DPY19L1: variants seen among roughly 807,000 people sequenced by gnomAD.
DPY19L1 encodes the protein protein C-mannosyl-transferase DPY19L1.
DPY19L1 carries 35 observed loss-of-function variants against 96.9 expected under a neutral mutation model. The ratio of observed to expected loss-of-function variants is 0.36; its 90% CI spans 0.28 to 0.48. The LOEUF is 0.48. Among genes scored for constraint, DPY19L1 ranks in the 20% least tolerant of loss-of-function variants. The probability of loss-of-function intolerance (pLI) is 0.99; values close to 1 mark genes in which losing one functional copy is unlikely to be tolerated. For synonymous variants in DPY19L1, 205 were observed against 252.6 expected, an observed-to-expected ratio of 0.81 and a Z score of 1.79; for missense variants, 521 against 777.9, an observed-to-expected ratio of 0.67 and a Z score of 3.93.
At chr7:34,933,904 C>T (rs1210076093) in intron 21 of DPY19L1, among the ~76,000 whole-genome samples, 1 of 152,150 alleles carries the variant, frequency 6.6e-6, no homozygotes, top group South Asian at 2.1e-4. Context: ...TATTGTGGGG[C>T]CTCACCTTGT....
At chr7:35,000,844 T>G (rs963736431) in intron 6 of DPY19L1, 1 of 152,254 alleles carries the variant, frequency 6.6e-6, no homozygotes, top group African/African-American at 2.4e-5. Context: ...CCACTTACTT[T>G]GGCAATGAAA....
At chr7:34,968,959 G>A (rs907802270) in intron 9 of DPY19L1, among the ~76,000 whole-genome samples, 5 of 152,010 alleles carry the variant, frequency 3.3e-5, no homozygotes, top group African/African-American at 1.2e-4. Context: ...CAGACTGGTA[G>A]AGAGAATTTT....
intron 6 of DPY19L1, among the ~76,000 whole-genome samples, chr7:34,997,921 G>A (rs1785330059): frequency 6.6e-6 from 1 of 152,166 alleles, no homozygotes; most frequent in Non-Finnish European, 1.5e-5. Flanking sequence ...ATCACGGGAA[G>A]AGAAGGTAGG....
At chr7:34,949,512 T>C (rs190442540) in intron 14 of DPY19L1, among the ~76,000 whole-genome samples, 81 of 152,338 alleles carry the variant, frequency 5.3e-4, no homozygotes, top group African/African-American at 1.8e-3. Context: ...ACTAAATTAA[T>C]GCTATCACTG....
intron 10 of DPY19L1, among the ~76,000 whole-genome samples, chr7:34,965,121 C>G (rs1388929664): frequency 2.0e-5 from 3 of 152,080 alleles, no homozygotes; most frequent in Non-Finnish European, 4.4e-5. Flanking sequence ...TACCACCCAA[C>G]AAGTTTACTA....
At chr7:34,977,333 T>A (rs1461826223) in intron 7 of DPY19L1, among the ~76,000 whole-genome samples, 3 of 152,196 alleles carry the variant, frequency 2.0e-5, no homozygotes, top group Non-Finnish European at 4.4e-5. Context: ...TTTGAGAATT[T>A]TCTTCATGCA....
intron 13 of DPY19L1, among the ~76,000 whole-genome samples, chr7:34,952,166 A>C (rs1308604773): frequency 6.6e-6 from 1 of 151,526 alleles, no homozygotes; most frequent in East Asian, 1.9e-4. Context: ...ATAGAAGACC[A>C]ATATTAATTC....
chr7:34,948,106 C>T (rs1466651237), intron 14 of DPY19L1, among the ~76,000 whole-genome samples: 1 of 152,020 alleles, frequency 6.6e-6, no homozygotes. Flanking sequence ...CTTTCTCACG[C>T]ATAAACAAAA....
In DPY19L1 at chr7:34,944,890, C is replaced by A. The variant is rs1280394845; in HGVS notation, c.1544+777G>T. Among the ~76,000 whole-genome samples the A allele has an allele frequency of 2.0e-5, 3 of 152,170 alleles. 1 individual carries two copies. ...TCCCATCTACTACCTCCCACTCTTG[C>A]AAGCATTGGATATACTATTAATTTT... On this transcript the variant is annotated intron_variant, in intron 16 of 21. Coordinates refer to ENST00000638088, the MANE Select transcript of DPY19L1 (RefSeq NM_001366673.1).
intron 4 of DPY19L1, among the ~76,000 whole-genome samples, chr7:35,013,033 T>C (rs760120591): frequency 5.3e-5 from 8 of 152,162 alleles, no homozygotes; most frequent in Non-Finnish European, 1.0e-4. Flanking sequence ...GGTAAATAAG[T>C]AGTTTCAAAA....
At chr7:35,027,160 C>A (rs1183517386) in intron 1 of DPY19L1, among the ~76,000 whole-genome samples, 1 of 151,798 alleles carries the variant, frequency 6.6e-6, no homozygotes, top group Non-Finnish European at 1.5e-5. Context: ...GCCGAGATTG[C>A]GCCATTGCAC....
chr7:34,941,912 C>G (rs2128781897), intron 17 of DPY19L1, 28 bp from the exon 18 acceptor site: 1 of 1,559,068 alleles, frequency 6.4e-7, no homozygotes, highest in South Asian at 1.2e-5. Flanking sequence ...ATGTTTTTTA[C>G]TCCTACTGTT....
chr7:34,957,400 A>T (rs1784402133), intron 11 of DPY19L1, among the ~76,000 whole-genome samples: 1 of 151,150 alleles, frequency 6.6e-6, no homozygotes, highest in South Asian at 2.1e-4. Flanking sequence ...AAACAAACAA[A>T]CAAAAAAACA....
chr7:35,036,044 T>G (rs1423291292), intron 1 of DPY19L1, among the ~76,000 whole-genome samples: 3 of 152,164 alleles, frequency 2.0e-5, no homozygotes, highest in African/African-American at 7.2e-5. Flanking sequence ...CTTGAGCCCA[T>G]TAAAACATAC....
intron 8 of DPY19L1, among the ~76,000 whole-genome samples, chr7:34,971,692 A>G (rs1360341128): frequency 6.6e-6 from 1 of 152,216 alleles, no homozygotes; most frequent in Non-Finnish European, 1.5e-5. Context: ...TGAAAAAGAC[A>G]ATGATAAGAG....
intron 1 of DPY19L1, among the ~76,000 whole-genome samples, chr7:35,025,880 G>A (rs1465078584): frequency 6.6e-6 from 1 of 152,114 alleles, no homozygotes; most frequent in Non-Finnish European, 1.5e-5. Flanking sequence ...CATTTTCTTT[G>A]CATGCCATTA....
At chr7:35,010,938 C>T (rs1785696294) in intron 5 of DPY19L1, among the ~76,000 whole-genome samples, 1 of 152,160 alleles carries the variant, frequency 6.6e-6, no homozygotes, top group African/African-American at 2.4e-5. Flanking sequence ...CTTCAGCTGC[C>T]ATAGGAAAAG....
chr7:35,024,494 G>A (rs1207209172), intron 1 of DPY19L1, among the ~76,000 whole-genome samples: 2 of 152,192 alleles, frequency 1.3e-5, no homozygotes, highest in East Asian at 3.9e-4. Context: ...CATCCTAGGG[G>A]GTGAAGTCAA....
Position 35,037,425 on chromosome 7 carries a change from C to T in DPY19L1, c.-31G>A. ...CATAGTCGCGCCCGCTCGCTGCGCG[C>T]GCCCGGACGGCGGCCAGAGAACGGC... On this transcript the variant is annotated 5_prime_UTR_variant, in exon 1 of 22. Coordinates refer to ENST00000638088, the MANE Select transcript of DPY19L1 (RefSeq NM_001366673.1). 3.1e-6 allele frequency: 1 copy of T among 323,720 alleles called. No homozygotes were observed. Among genetic ancestry groups the T allele is most frequent in the Non-Finnish European group, 5.6e-6 (1 of 177,530 alleles). The allele number at this position is 323,720 out of a possible 1,614,324, so 20.1% of individuals were successfully genotyped here. A position where few individuals can be genotyped will look rare whatever the true frequency, so the allele number is the denominator to read the frequency against.
Sources: allele counts gnomAD v4.1 joint callset (sites outside exome capture counted in the v4.1 genomes callset), GRCh38; gene constraint gnomAD v4.1.1; transcripts MANE v1.5; gene names NCBI Gene and HGNC (gene_info 2026-07-23, HGNC 2026-07-21).